MARK2: variants seen among roughly 807,000 people sequenced by gnomAD.
The protein encoded by MARK2 is serine/threonine-protein kinase MARK2.
In MARK2, 16 loss-of-function variants were observed where a neutral mutation model predicts 89.8. The ratio of observed to expected loss-of-function variants is 0.18; its 90% CI spans 0.12 to 0.27. The LOEUF (loss-of-function observed/expected upper bound fraction) is 0.27, where lower values mean the gene tolerates loss of function less well. MARK2 is among the 10% of genes least tolerant of loss of function. The pLI is 1.00. For missense variants in MARK2, 621 were observed against 1,049.9 expected (o/e 0.59, Z 5.65); for synonymous variants, 382 against 399.5 (o/e 0.96, Z 0.52).
chr11:63,903,528 C>T lies in MARK2; in HGVS notation c.1514+370C>T, dbSNP rs1941071855. The T allele has an allele frequency of 3.1e-6, 1 of 321,238 alleles. No individual in the cohort carries two copies. The highest frequency in any genetic ancestry group is 5.9e-6 in the Non-Finnish European group (1 of 170,108). 19.9% of individuals were successfully genotyped at this position (321,238 alleles called of 1,614,324 possible). Reference sequence around the variant, plus strand: ...AGAGATGCCCACCTTGAGGGGTGTACACATAGAGGGCGACTCCAGCCATCC... The same window carrying T: ...AGAGATGCCCACCTTGAGGGGTGTATACATAGAGGGCGACTCCAGCCATCC... On this transcript the variant is annotated intron_variant, in intron 14 of 18. Transcript: ENST00000402010. This position sits in a 1 kb window ranked among gnomAD's most constrained non-coding sequence, Gnocchi z 5.1.
At chr11:63,892,229 C>A (rs1177451262) in intron 1 of MARK2, among the ~76,000 whole-genome samples, 1 of 152,206 alleles carries the variant, frequency 6.6e-6, no homozygotes, top group African/African-American at 2.4e-5. Context: ...TGCATGGGAT[C>A]TTCCTCCTCC....
At chr11:63,892,369 T>G (rs908739289) in intron 1 of MARK2, among the ~76,000 whole-genome samples, 1 of 152,196 alleles carries the variant, frequency 6.6e-6, no homozygotes, top group African/African-American at 2.4e-5. Flanking sequence ...ATACTGTACT[T>G]AACTTGCTGC....
At chr11:63,842,574 A>T (rs1450000751) in intron 1 of MARK2, among the ~76,000 whole-genome samples, 2 of 152,168 alleles carry the variant, frequency 1.3e-5, no homozygotes, top group Non-Finnish European at 2.9e-5. Flanking sequence ...GGCCAGGTAT[A>T]TCAAACACTG....
chr11:63,873,967 G>A (rs11606702), intron 1 of MARK2, among the ~76,000 whole-genome samples: 9,280 of 152,314 alleles, frequency 0.061, 378 homozygotes, highest in Middle Eastern at 0.095. Context: ...TTATTTAGGG[G>A]CTGTGACAAA....
intron 1 of MARK2, among the ~76,000 whole-genome samples, chr11:63,844,941 T>C (rs1403147699): frequency 2.0e-5 from 3 of 152,214 alleles, no homozygotes; most frequent in African/African-American, 7.2e-5. Flanking sequence ...AATGAATATT[T>C]TATGTCTAGA....
At chr11:63,905,602 C>T (rs1941262518) in intron 16 of MARK2, among the ~76,000 whole-genome samples, 1 of 152,230 alleles carries the variant, frequency 6.6e-6, no homozygotes, top group Non-Finnish European at 1.5e-5. Context: ...AACCTAACTC[C>T]GATGTGCCAA....
At chr11:63,881,848 C>T (rs180895097) in intron 1 of MARK2, among the ~76,000 whole-genome samples, 127 of 152,068 alleles carry the variant, frequency 8.4e-4, no homozygotes, top group African/African-American at 2.7e-3. Flanking sequence ...CCCAACTATT[C>T]GAGAGGCTGA....
chr11:63,871,098 TTGTG>T (rs1300881920), intron 1 of MARK2, among the ~76,000 whole-genome samples: 2 of 152,062 alleles, frequency 1.3e-5, no homozygotes, highest in African/African-American at 2.4e-5. Context: ...TCAGTTATGT[TTGTG>T]TGTGTGTATA....
intron 1 of MARK2, among the ~76,000 whole-genome samples, chr11:63,874,872 G>A (rs1205078774): frequency 6.6e-6 from 1 of 152,122 alleles, no homozygotes; most frequent in Non-Finnish European, 1.5e-5. Flanking sequence ...AAATGGGAGT[G>A]TGTGTGAGGC....
chr11:63,898,347 T>A (rs188510488), intron 4 of MARK2, 67 bp downstream of exon 4: 2 of 1,479,820 alleles, frequency 1.4e-6, no homozygotes, highest in Non-Finnish European at 1.9e-6. Flanking sequence ...GCATGTCATC[T>A]TCTCCCCGAG....
intron 1 of MARK2, among the ~76,000 whole-genome samples, chr11:63,881,893 A>G (rs1452679732): frequency 1.3e-5 from 2 of 152,192 alleles, no homozygotes; most frequent in African/African-American, 4.8e-5. Context: ...GAGTTTGAGG[A>G]TGCAGTGAGC....
rs758718470 is a variant in MARK2 at position 63,900,918 on chromosome 11, G to C, written c.988+39G>C. 1.2e-6 allele frequency: 2 copies of C among 1,611,312 alleles called. No homozygotes were observed. The highest frequency in any genetic ancestry group is 2.2e-5 in the East Asian group (1 of 44,872). The stretch of plus-strand genomic sequence containing the variant: ...GGGCTGTGAGGTTAAGCTTGCCTAG[G>C]AGTTGAGGCCAGTCTTAACTGTATG... On this transcript the variant is annotated intron_variant, in intron 10 of 18. Coordinates refer to ENST00000402010, the MANE Select transcript of MARK2 (RefSeq NM_001039469.3). This position sits in a 1 kb window ranked among gnomAD's most constrained non-coding sequence, Gnocchi z 4.7.
rs1266957398 is a variant in MARK2, at chr11:63,910,683, AC to A, written c.*1450del. On this transcript the variant is annotated 3_prime_UTR_variant, in exon 19 of 19. Transcript: ENST00000402010. ...TTTTTTTTTGATTTATGATGACTCC[AC>A]CCCTCTTCATCACCCCCGCTCCCAG... 1.6e-5 allele frequency: 2 copies of A among 128,982 alleles called. No homozygotes were observed. The highest frequency in any genetic ancestry group is 5.7e-5 in the African/African-American group (2 of 34,870). 8.0% of individuals were successfully genotyped at this position (128,982 alleles called of 1,614,324 possible). A position where few individuals can be genotyped will look rare whatever the true frequency, so the allele number is the denominator to read the frequency against.
At chr11:63,851,432 T>A (rs944492566) in intron 1 of MARK2, among the ~76,000 whole-genome samples, 7 of 152,162 alleles carry the variant, frequency 4.6e-5, no homozygotes, top group Admixed American at 1.3e-4. Context: ...AAAATTTTTT[T>A]AAAAATAACT....
Position 63,895,331 on chromosome 11 carries a change from G to A in MARK2, c.227G>A (p.Gly76Glu). Residue 76 changes from glycine to glutamate, a missense_variant, in exon 2 of 19, where the codon GGG (glycine) becomes GAG (glutamate). Physicochemically the swap from Gly to Glu is moderately conservative, Grantham distance 98. This residue lies in a region of MARK2 where 82 missense variants were observed against 287.7 expected (regional missense o/e 0.29). Transcript: ENST00000402010. ...AAGTTGGCCCGACACATCCTGACTGGGAAAGAGGTGAGCACTGGGACTGGG... is the reference window on the plus strand; with the variant it reads ...AAGTTGGCCCGACACATCCTGACTGAGAAAGAGGTGAGCACTGGGACTGGG... ...KVKLARHILTGKEVAVKIIDK... is the reference protein window; with the variant it reads ...KVKLARHILTEKEVAVKIIDK... 1 of 1,613,678 alleles carries A rather than the reference G, an allele frequency of 6.2e-7. No homozygotes were observed. The highest frequency in any genetic ancestry group is 8.5e-7 in the Non-Finnish European group (1 of 1,179,730).
chr11:63,879,306 C>T (rs1938955180), intron 1 of MARK2, among the ~76,000 whole-genome samples: 1 of 145,568 alleles, frequency 6.9e-6, no homozygotes, highest in Non-Finnish European at 1.5e-5. Flanking sequence ...GACTCTGTCT[C>T]AAAAAAAAAA....
Position 63,856,654 on chromosome 11 carries a change from C to T in MARK2, c.54+17094C>T, listed in dbSNP as rs1047103681. Among the ~76,000 whole-genome samples, 9 of 151,594 alleles carry T rather than the reference C, an allele frequency of 5.9e-5. No individual in the cohort carries two copies. The South Asian group carries it at 1.9e-3, about 32-fold the overall frequency. On this transcript the variant is annotated intron_variant, in intron 1 of 18. Transcript: ENST00000402010. ...GGCCAGGCTGGTCTCGAACTCCTGGCCTAAGTGATCCGCCAACCTCGGCCT... is the reference window on the plus strand; with the variant it reads ...GGCCAGGCTGGTCTCGAACTCCTGGTCTAAGTGATCCGCCAACCTCGGCCT...
At chr11:63,875,184 G>A (rs1044375283) in intron 1 of MARK2, among the ~76,000 whole-genome samples, 23 of 144,340 alleles carry the variant, frequency 1.6e-4, no homozygotes, top group Admixed American at 1.5e-3. Flanking sequence ...GCAGTGGTGC[G>A]ATCTCGGCTC....
At chr11:63,880,768 T>C (rs540938387) in intron 1 of MARK2, among the ~76,000 whole-genome samples, 1 of 152,312 alleles carries the variant, frequency 6.6e-6, no homozygotes, top group South Asian at 2.1e-4. Flanking sequence ...ATTCTGAGTC[T>C]GTCTCCAGCT....
Sources: allele counts gnomAD v4.1 joint callset (sites outside exome capture counted in the v4.1 genomes callset), GRCh38; gene constraint gnomAD v4.1.1; regional missense constraint gnomAD v4.1.1; non-coding constraint Gnocchi (gnomAD v3.1); transcripts MANE v1.5; gene names NCBI Gene and HGNC (gene_info 2026-07-23, HGNC 2026-07-21).